The following GAL variants were observed in gnomAD, a reference collection of about 807,000 sequenced individuals.
GAL encodes galanin peptides.
GAL carries 14 observed loss-of-function variants against 15.8 expected under a neutral mutation model. The observed-to-expected ratio is 0.89, with a 90% confidence interval of 0.59 to 1.39. The LOEUF is 1.39. Ranked by LOEUF, GAL falls within the 40% of genes most tolerant of loss-of-function variation. The pLI is 0.00. For missense variants in GAL, 176 were observed against 170.4 expected, an observed-to-expected ratio of 1.03 and a Z score of -0.18; for synonymous variants, 79 against 73.8, an observed-to-expected ratio of 1.07 and a Z score of -0.36.
intron 3 of GAL, 61 bp downstream of exon 3, chr11:68,685,709 C>G (rs551583863): frequency 8.2e-7 from 1 of 1,213,650 alleles, no homozygotes; most frequent in South Asian, 1.2e-5. Flanking sequence ...GCTTTGAACC[C>G]TGGCTCCTGC....
intron 2 of GAL, 87 bp downstream of exon 2, chr11:68,685,091 C>A (rs1412466374): frequency 3.4e-6 from 3 of 883,640 alleles, no homozygotes; most frequent in Non-Finnish European, 5.4e-6. Context: ...CAGCCTCCGC[C>A]CTGCCCGCGG....
At chr11:68,687,936 C>A in intron 3 of GAL, 78 bp from the exon 4 acceptor site, 1 of 873,766 alleles carries the variant, frequency 1.1e-6, no homozygotes, top group Non-Finnish European at 1.9e-6. Context: ...TACAGGCAGC[C>A]CTGTGTCCTT....
At chr11:68,685,542 G>T (rs1419014854) in intron 2 of GAL, 52 bp from the exon 3 acceptor site, 6 of 1,304,570 alleles carry the variant, frequency 4.6e-6, no homozygotes, top group Non-Finnish European at 6.7e-6. Context: ...CACCCATTCA[G>T]CATAGGCTCC....
In GAL at chr11:68,685,764, C is replaced by T. The variant is rs901354134; in HGVS notation, c.136+116C>T. 3.8e-5 allele frequency: 28 copies of T among 732,086 alleles called. No individual in the cohort carries two copies. In the Admixed American group the frequency reaches 5.6e-4, roughly 15 times the overall value. 45.3% of individuals were successfully genotyped at this position (732,086 alleles called of 1,614,324 possible). On this transcript the variant is annotated intron_variant, in intron 3 of 5. Transcript: ENST00000265643. ...CAGACCCTCTGGCCTCCCTCTTGAC[C>T]TCATTGCCCGTCTCCATTGCTCTGC...
At chr11:68,687,499 C>T (rs1945864721) in intron 3 of GAL, among the ~76,000 whole-genome samples, 1 of 152,150 alleles carries the variant, frequency 6.6e-6, no homozygotes, top group African/African-American at 2.4e-5. Flanking sequence ...CTCGCTCCCT[C>T]TGTCTCTCTC....
chr11:68,685,125 G>A, intron 2 of GAL, 121 bp downstream of exon 2: 1 of 685,666 alleles, frequency 1.5e-6, no homozygotes, highest in Admixed American at 2.4e-5. Context: ...AAGTGGAAAG[G>A]CGGGCGCTGT....
At chr11:68,687,390 TTCC>T (rs1945863425) in intron 3 of GAL, among the ~76,000 whole-genome samples, 1 of 151,826 alleles carries the variant, frequency 6.6e-6, no homozygotes, top group South Asian at 2.1e-4. Context: ...GCAATCACAG[TTCC>T]TCCATTTTCG....
intron 5 of GAL, among the ~76,000 whole-genome samples, chr11:68,689,228 G>T (rs576239497): frequency 6.6e-6 from 1 of 152,286 alleles, no homozygotes; most frequent in South Asian, 2.1e-4. Context: ...CTATTCACAC[G>T]GTGACAACTG....
At chr11:68,685,723 T>G (rs919771201) in intron 3 of GAL, 75 bp downstream of exon 3, 1 of 1,036,578 alleles carries the variant, frequency 9.6e-7, no homozygotes, top group Middle Eastern at 2.0e-4. Context: ...CTCCTGCCCC[T>G]CCGCCTGCGG....
At chr11:68,688,807 AC>A (rs781264804) in intron 4 of GAL, 41 bp from the exon 5 acceptor site, 1 of 956,648 alleles carries the variant, frequency 1.0e-6, no homozygotes, top group African/African-American at 1.6e-5. Context: ...ACACTGAAGC[AC>A]CCTCTGCACA....
In GAL at chr11:68,688,945, A is replaced by G. The variant is rs773613392; in HGVS notation, c.301+19A>G. ...CTCAAAGGTATGTGAAATATCATCA[A>G]CTTAACATTCATCTCTTAGTACACT... On this transcript the variant is annotated intron_variant, in intron 5 of 5. Transcript: ENST00000265643. The G allele has an allele frequency of 1.2e-5, 13 of 1,107,866 alleles. No homozygotes were observed. The highest frequency in any genetic ancestry group is 7.0e-5 in the East Asian group (3 of 42,674). 68.6% of individuals were successfully genotyped at this position (1,107,866 alleles called of 1,614,324 possible).
intron 2 of GAL, 68 bp downstream of exon 2, chr11:68,685,072 TGGA>T: frequency 5.7e-6 from 6 of 1,055,724 alleles, no homozygotes; most frequent in Middle Eastern, 2.1e-4. Flanking sequence ...GAGGGCTTCC[TGGA>T]GGAGGCAGCC....
At chr11:68,686,409 A>C (rs762337177) in intron 3 of GAL, among the ~76,000 whole-genome samples, 19 of 152,256 alleles carry the variant, frequency 1.2e-4, no homozygotes, top group Non-Finnish European at 2.1e-4. Context: ...GCCTCCCTGT[A>C]CTGCCTTCTG....
chr11:68,687,615 GGGACATGA>G (rs1403907050), intron 3 of GAL, among the ~76,000 whole-genome samples: 1 of 152,146 alleles, frequency 6.6e-6, no homozygotes, highest in East Asian at 1.9e-4. Flanking sequence ...CATGCTTTCA[GGGACATGA>G]GGACCCAGCT....
At chr11:68,684,844 C>A (rs1159794710) in intron 1 of GAL, 80 bp from the exon 2 acceptor site, 2 of 847,214 alleles carry the variant, frequency 2.4e-6, no homozygotes, top group South Asian at 1.5e-5. Flanking sequence ...CTCTGCTCCT[C>A]CCCGCAGCCC....
Position 68,684,972 on chromosome 11 carries a change from G to C in GAL, c.49G>C (p.Ala17Pro). Residue 17 changes from alanine (A) to proline (P), a missense_variant, in exon 2 of 6, where the codon GCC becomes CCC. Transcript: ENST00000265643. Reference sequence around the variant, plus strand: ...GCTCGCCTCCCTCCTCCTCGCCGCGGCCCTTTCTGCCTCTGCGGGGCTCTG... The same window carrying C: ...GCTCGCCTCCCTCCTCCTCGCCGCGCCCCTTTCTGCCTCTGCGGGGCTCTG... ...LLLASLLLAA[A>P]LSASAGLWSP... The C allele has an allele frequency of 6.2e-7, 1 of 1,607,478 alleles. No homozygotes were observed. The highest frequency in any genetic ancestry group is 8.5e-7 in the Non-Finnish European group (1 of 1,177,364).
At chr11:68,689,401 CTCTT>C (rs1320542583) in intron 5 of GAL, among the ~76,000 whole-genome samples, 3 of 149,424 alleles carry the variant, frequency 2.0e-5, no homozygotes, top group Admixed American at 6.7e-5. Flanking sequence ...CTTTCTCTCT[CTCTT>C]TCTTCCTTCC....
chr11:68,687,448 C>G (rs1287817262), intron 3 of GAL, among the ~76,000 whole-genome samples: 1 of 152,098 alleles, frequency 6.6e-6, no homozygotes, highest in Non-Finnish European at 1.5e-5. Context: ...CACACACGCT[C>G]CTGCACCCCC....
rs1945901488 is a variant in GAL at position 68,691,129 on chromosome 11, T to G, written c.*142T>G. 2.8e-5 allele frequency: 17 copies of G among 602,116 alleles called. No individual in the cohort carries two copies. The South Asian group carries it at 3.5e-4, about 13-fold the overall frequency. The allele number at this position is 602,116 out of a possible 1,614,324, so 37.3% of individuals were successfully genotyped here. ...TTGTGTTGTTATCATTTAAGATTTTTTTTTTTTGGTAATTATTTTGAGTGG... is the reference window on the plus strand; with the variant it reads ...TTGTGTTGTTATCATTTAAGATTTTGTTTTTTTGGTAATTATTTTGAGTGG... On this transcript the variant is annotated 3_prime_UTR_variant, in exon 6 of 6. Transcript: ENST00000265643.
Sources: gnomAD v4.1 joint callset for allele counts (sites outside exome capture counted in the v4.1 genomes callset) on GRCh38, gnomAD v4.1.1 for gene constraint, MANE v1.5 for transcripts, NCBI Gene and HGNC (gene_info 2026-07-23, HGNC 2026-07-21) for gene names.